The following PDS5B variants were observed in gnomAD, a reference collection of about 807,000 sequenced individuals.
PDS5B encodes PDS5 cohesin associated factor B.
A neutral mutation model predicts 184.1 loss-of-function variants in PDS5B; 51 were observed. That is an observed-to-expected ratio of 0.28 (90% CI 0.22 to 0.35). The LOEUF is 0.35. PDS5B is among the 10% of genes least tolerant of loss of function. The probability of loss-of-function intolerance (pLI) is 1.00; values close to 1 mark genes in which losing one functional copy is unlikely to be tolerated. For missense variants in PDS5B, 1,180 were observed against 1,723.3 expected, an observed-to-expected ratio of 0.68 and a Z score of 5.58; for synonymous variants, 566 against 569.2, an observed-to-expected ratio of 0.99 and a Z score of 0.08.
intron 31 of PDS5B, 25 bp downstream of exon 31, chr13:32,764,619 A>G (rs745465156): frequency 8.1e-7 from 1 of 1,237,720 alleles, no homozygotes; most frequent in Admixed American, 2.0e-5. Context: ...TTGATTTTAT[A>G]ATAATATTAA....
At chr13:32,602,922 CCTA>C (rs2058000914) in intron 1 of PDS5B, among the ~76,000 whole-genome samples, 1 of 152,144 alleles carries the variant, frequency 6.6e-6, no homozygotes. Context: ...ATATCCTTTG[CCTA>C]CTTTTTGATG....
intron 1 of PDS5B, among the ~76,000 whole-genome samples, chr13:32,608,130 G>A (rs2058088791): frequency 6.6e-6 from 1 of 152,198 alleles, no homozygotes; most frequent in Non-Finnish European, 1.5e-5. Flanking sequence ...CGTCGCTCAT[G>A]CTGGGAGCTC....
chr13:32,605,223 C>T (rs1006946637), intron 1 of PDS5B, among the ~76,000 whole-genome samples: 11 of 152,096 alleles, frequency 7.2e-5, no homozygotes, highest in Admixed American at 1.3e-4. Flanking sequence ...ATAAATTTCC[C>T]GCTACACCCT....
At chr13:32,771,400 G>C (rs936815368) in intron 33 of PDS5B, among the ~76,000 whole-genome samples, 1 of 152,126 alleles carries the variant, frequency 6.6e-6, no homozygotes, top group Non-Finnish European at 1.5e-5. Context: ...TATCACTGCT[G>C]TAATTTGCAG....
intron 1 of PDS5B, among the ~76,000 whole-genome samples, chr13:32,629,499 C>T (rs906775184): frequency 6.6e-6 from 1 of 152,184 alleles, no homozygotes; most frequent in Non-Finnish European, 1.5e-5. Flanking sequence ...TTAAAACTCA[C>T]TTCTGTGTTT....
At chr13:32,730,950 C>A (rs1426102437) in intron 19 of PDS5B, among the ~76,000 whole-genome samples, 1 of 152,160 alleles carries the variant, frequency 6.6e-6, no homozygotes. Flanking sequence ...CTTTCTCTTG[C>A]CTGATTGCCC....
At chr13:32,719,044 C>T (rs1952577009) in intron 19 of PDS5B, among the ~76,000 whole-genome samples, 1 of 152,136 alleles carries the variant, frequency 6.6e-6, no homozygotes, top group Admixed American at 6.5e-5. Flanking sequence ...AAGTGTATAA[C>T]ATGGATTTGG....
Position 32,746,088 on chromosome 13 carries a change from A to G in PDS5B, c.2724A>G (p.Ala908=), listed in dbSNP as rs774759794. The G allele has an allele frequency of 1.9e-6, 3 of 1,612,336 alleles. No individual in the cohort carries two copies. The highest frequency in any genetic ancestry group is 2.5e-6 in the Non-Finnish European group (3 of 1,178,800). Residue 908 remains alanine, a synonymous_variant, in exon 24 of 35, where the codon GCA becomes GCG. Transcript: ENST00000315596. The part of the protein sequence containing the change: ...IITLEQYQLC[A]LAINDECYQV... Reference sequence around the variant, plus strand: ...CATTAGAACAATATCAGCTATGTGCATTAGCTATCAACGTAAGGAAATGGC... The same window carrying G: ...CATTAGAACAATATCAGCTATGTGCGTTAGCTATCAACGTAAGGAAATGGC...
At chr13:32,658,631 T>C (rs1196406985) in intron 5 of PDS5B, 100 bp downstream of exon 5, 9 of 606,492 alleles carry the variant, frequency 1.5e-5, no homozygotes, top group Non-Finnish European at 2.3e-5. Context: ...ATTAGAAGGC[T>C]GAGAGATGTA....
chr13:32,632,210 C>T (rs1365679687), intron 1 of PDS5B, among the ~76,000 whole-genome samples: 1 of 152,026 alleles, frequency 6.6e-6, no homozygotes, highest in Non-Finnish European at 1.5e-5. Flanking sequence ...AACTTTTCTG[C>T]ATCAAAGGAC....
rs145600966 is a variant in PDS5B at position 32,592,443 on chromosome 13, G to C, written c.-20+5850G>C. Among the ~76,000 whole-genome samples the C allele has an allele frequency of 2.6e-4, 40 of 152,172 alleles. 1 individual carries two copies. In the East Asian group the frequency reaches 7.2e-3, roughly 27 times the overall value. ...GCTAATTTTTTGCATTTTTAGTAGA[G>C]ACAGGGTTTCACCATGCTGGCCAGG... On this transcript the variant is annotated intron_variant, in intron 1 of 34. Coordinates refer to ENST00000315596, the MANE Select transcript of PDS5B (RefSeq NM_015032.4).
intron 19 of PDS5B, among the ~76,000 whole-genome samples, chr13:32,718,224 C>G (rs1234559059): frequency 6.6e-6 from 1 of 151,568 alleles, no homozygotes; most frequent in African/African-American, 2.4e-5. Context: ...GATCTCGGCT[C>G]ACTGCAAGCT....
chr13:32,593,500 C>T (rs575654461), intron 1 of PDS5B, among the ~76,000 whole-genome samples: 92 of 152,242 alleles, frequency 6.0e-4, no homozygotes, highest in Non-Finnish European at 8.7e-4. Context: ...GCCACCACGC[C>T]CGGCTAATTT....
chr13:32,765,821 C>CA (rs1412658046), intron 31 of PDS5B, among the ~76,000 whole-genome samples: 1 of 152,210 alleles, frequency 6.6e-6, no homozygotes, highest in Non-Finnish European at 1.5e-5. Context: ...AGGCTGGTCT[C>CA]AAACGCCTGA....
intron 1 of PDS5B, among the ~76,000 whole-genome samples, chr13:32,608,939 C>T (rs2058101280): frequency 6.6e-6 from 1 of 152,148 alleles, no homozygotes; most frequent in South Asian, 2.1e-4. Context: ...TCACTTTTGT[C>T]TTCTAAATTT....
intron 1 of PDS5B, among the ~76,000 whole-genome samples, chr13:32,641,056 CAAAAA>C (rs71194532): frequency 1.1e-5 from 1 of 95,020 alleles, no homozygotes; most frequent in Non-Finnish European, 2.4e-5. Flanking sequence ...GACTCCGTCT[CAAAAA>C]AAAAAAAAAA....
chr13:32,642,346 TAAG>T (rs897656806), intron 1 of PDS5B, among the ~76,000 whole-genome samples: 9 of 152,160 alleles, frequency 5.9e-5, no homozygotes, highest in African/African-American at 2.2e-4. Flanking sequence ...CTACTTTTCT[TAAG>T]GAGCTTACAG....
chr13:32,712,252 G>A (rs953721360), intron 19 of PDS5B, among the ~76,000 whole-genome samples: 1 of 152,166 alleles, frequency 6.6e-6, no homozygotes, highest in African/African-American at 2.4e-5. Context: ...ATTTTAAAAT[G>A]TATTGCTTTA....
intron 19 of PDS5B, among the ~76,000 whole-genome samples, chr13:32,726,149 TAA>T (rs58034166): frequency 0.64 from 90,248 of 141,092 alleles, 28,344 homozygotes; most frequent in Admixed American, 0.7. Context: ...TAGATAAACT[TAA>T]AAAAAAAAAA....
Sources: gnomAD v4.1 joint callset for allele counts (sites outside exome capture counted in the v4.1 genomes callset) on GRCh38, gnomAD v4.1.1 for gene constraint, MANE v1.5 for transcripts, NCBI Gene and HGNC (gene_info 2026-07-23, HGNC 2026-07-21) for gene names.